The following XPA variants were observed in gnomAD, a reference collection of about 807,000 sequenced individuals.
The protein encoded by XPA is DNA repair protein complementing XP-A cells.
A neutral mutation model predicts 35.7 loss-of-function variants in XPA; 27 were observed. That is an observed-to-expected ratio of 0.76 (90% CI 0.56 to 1.04). The LOEUF is 1.04. Ranked by LOEUF, XPA falls within the 50% of genes least tolerant of loss-of-function variation. The probability of loss-of-function intolerance (pLI) is 0.00; values close to 1 mark genes in which losing one functional copy is unlikely to be tolerated. For missense variants in XPA, 354 were observed against 342.7 expected, an observed-to-expected ratio of 1.03 and a Z score of -0.26; for synonymous variants, 133 against 118.4, an observed-to-expected ratio of 1.12 and a Z score of -0.80.
chr9:97,668,740 A>G, the XPA span: 2 of 1,283,964 alleles, frequency 1.6e-6, no homozygotes, highest in South Asian at 1.6e-5. Flanking sequence ...ACTATAGAAT[A>G]TAAGTCTTAA....
chr9:97,655,786 C>CT, the XPA span: 1 of 1,592,384 alleles, frequency 6.3e-7, no homozygotes, highest in Admixed American at 1.8e-5. Flanking sequence ...TTTGTTTTAT[C>CT]TTTTTCTGTA....
chr9:97,681,058 T>G (rs1229516835), intron 5 of XPA, among the ~76,000 whole-genome samples: 1 of 152,244 alleles, frequency 6.6e-6, no homozygotes, highest in Non-Finnish European at 1.5e-5. Flanking sequence ...CTTATACTTT[T>G]TACAGACGAA....
At chr9:97,679,660 CTAAAG>C (rs1337249770) in intron 5 of XPA, among the ~76,000 whole-genome samples, 22 of 152,256 alleles carry the variant, frequency 1.4e-4, no homozygotes, top group African/African-American at 5.1e-4. Context: ...AATATAATAA[CTAAAG>C]TAAGACTCAG....
In XPA at chr9:97,674,983, A is replaced by G; in HGVS notation, c.*456T>C. The stretch of plus-strand genomic sequence containing the variant: ...GCAGTAGTTCCCCACTGTTTCCACC[A>G]TCGTGGAGACAGAAATCGTCCTAAA... On this transcript the variant is annotated 3_prime_UTR_variant, in exon 6 of 6. Coordinates refer to ENST00000375128, the MANE Select transcript of XPA (RefSeq NM_000380.4). The G allele has an allele frequency of 1.9e-6, 1 of 524,120 alleles. No homozygotes were observed. The highest frequency in any genetic ancestry group is 3.7e-6 in the Non-Finnish European group (1 of 269,994). The allele number at this position is 524,120 out of a possible 1,614,324, so 32.5% of individuals were successfully genotyped here. A position where few individuals can be genotyped will look rare whatever the true frequency, so the allele number is the denominator to read the frequency against.
At chr9:97,668,814 G>A in the XPA span, 7 of 1,603,036 alleles carry the variant, frequency 4.4e-6, no homozygotes, top group Admixed American at 1.7e-5. Context: ...AATCTAAATG[G>A]TATTTTCCTT....
At chr9:97,682,266 A>G (rs1016595826) in intron 5 of XPA, 1 of 518,436 alleles carries the variant, frequency 1.9e-6, no homozygotes. Context: ...AAGAGGAACC[A>G]GGTTCCAATT....
downstream of XPA, chr9:97,672,312 TTTC>T (rs1419445813): frequency 2.8e-4 from 42 of 152,222 alleles, no homozygotes; most frequent in African/African-American, 9.6e-4. Flanking sequence ...GGTATAATTT[TTTC>T]TTATTACATC....
chr9:97,658,558 C>G, the XPA span: 2 of 1,050,396 alleles, frequency 1.9e-6, no homozygotes, highest in East Asian at 4.8e-5. Context: ...TGTTGGAGAT[C>G]ATGACTTTCC....
intron 2 of XPA, among the ~76,000 whole-genome samples, chr9:97,691,024 T>C (rs912960911): frequency 6.6e-6 from 1 of 152,194 alleles, no homozygotes; most frequent in Non-Finnish European, 1.5e-5. Context: ...ACCACAGCAC[T>C]GCTGAAAGTA....
chr9:97,680,049 C>G (rs189622391), intron 5 of XPA, among the ~76,000 whole-genome samples: 34 of 152,234 alleles, frequency 2.2e-4, no homozygotes, highest in Admixed American at 2.0e-3. Flanking sequence ...AAGCAGCTAT[C>G]AATATGCATC....
In XPA at chr9:97,675,038, G is replaced by T; in HGVS notation, c.*401C>A. ...ACATGACTAGAACCTGGGGTACAGT[G>T]GTGCACCACCATTGCTATTATTTGT... On this transcript the variant is annotated 3_prime_UTR_variant, in exon 6 of 6. Coordinates refer to ENST00000375128, the MANE Select transcript of XPA (RefSeq NM_000380.4). 2 of 530,692 alleles carry T rather than the reference G, an allele frequency of 3.8e-6. No homozygotes were observed. Among genetic ancestry groups the T allele is most frequent in the Non-Finnish European group, 7.3e-6 (2 of 274,304 alleles). The allele number at this position is 530,692 out of a possible 1,614,324, so 32.9% of individuals were successfully genotyped here. A position where few individuals can be genotyped will look rare whatever the true frequency, so the allele number is the denominator to read the frequency against.
chr9:97,680,524 T>C (rs2808667), intron 5 of XPA, among the ~76,000 whole-genome samples: 145,827 of 152,302 alleles, frequency 0.96, 69,839 homozygotes, highest in East Asian at 1. Context: ...CTGCTCCCAG[T>C]CGAATGCCAT....
the XPA span, among the ~76,000 whole-genome samples, chr9:97,662,394 C>G: frequency 5.9e-5 from 9 of 152,058 alleles, no homozygotes; most frequent in African/African-American, 2.2e-4. Context: ...TAGTGAAAAA[C>G]CTAGGTTTTT....
At chr9:97,670,125 G>A, downstream of XPA, 1 of 302,742 alleles carries the variant, frequency 3.3e-6, no homozygotes, top group Non-Finnish European at 6.5e-6. Flanking sequence ...GTTTCACCAT[G>A]TTGGCCAGGC....
chr9:97,666,891 A>C, the XPA span: 12 of 1,538,336 alleles, frequency 7.8e-6, no homozygotes, highest in Non-Finnish European at 1.1e-5. Context: ...AGTTTTGTGT[A>C]AACTTGTAAG....
At chr9:97,679,670 ACT>A (rs1432115739) in intron 5 of XPA, among the ~76,000 whole-genome samples, 1 of 152,178 alleles carries the variant, frequency 6.6e-6, no homozygotes, top group East Asian at 1.9e-4. Flanking sequence ...CTAAAGTAAG[ACT>A]CAGCCCTGTG....
chr9:97,668,580 C>T, the XPA span, among the ~76,000 whole-genome samples: 4 of 152,046 alleles, frequency 2.6e-5, no homozygotes, highest in African/African-American at 9.7e-5. Context: ...GTAGCCAAGT[C>T]CCCCCATGTT....
intron 2 of XPA, among the ~76,000 whole-genome samples, chr9:97,693,130 CT>C (rs1346321503): frequency 2.7e-5 from 4 of 148,752 alleles, no homozygotes; most frequent in African/African-American, 9.9e-5. Flanking sequence ...GTGTTTCTAT[CT>C]TTTTCCCAAA....
Position 97,675,489 on chromosome 9 carries a change from G to A in XPA, c.772C>T (p.Arg258Cys), listed in dbSNP as rs188860873. Residue 258 changes from arginine (R) to cysteine (C), a missense_variant, in exon 6 of 6, where the codon CGT (arginine) becomes TGT (cysteine). Physicochemically the swap from Arg to Cys is radical, Grantham distance 180. Transcript: ENST00000375128. ...PEENLEDDMY[R>C]KTCTMCGHEL... is the part of the protein sequence containing the mutation. ...TGGCCACACATAGTACAAGTCTTAC[G>A]GTACATGTCATCTTCTAGGTTTTCT... is the stretch of plus-strand genomic sequence containing the variant. The A allele has an allele frequency of 8.9e-5, 143 of 1,613,422 alleles. No individual in the cohort carries two copies. The highest frequency in any genetic ancestry group is 3.6e-4 in the East Asian group (16 of 44,856).
Sources: gnomAD v4.1 joint callset for allele counts (sites outside exome capture counted in the v4.1 genomes callset) on GRCh38, gnomAD v4.1.1 for gene constraint, MANE v1.5 for transcripts, NCBI Gene and HGNC (gene_info 2026-07-23, HGNC 2026-07-21) for gene names.